Variants in PPP2R1A observed in about 807,000 individuals in gnomAD.
PPP2R1A encodes protein phosphatase 2 scaffold subunit Aalpha, also known as serine/threonine-protein phosphatase 2A 65 kDa regulatory subunit A alpha isoform.
Under a neutral mutation model 67.1 loss-of-function variants are expected in PPP2R1A, and 15 were observed. The ratio of observed to expected loss-of-function variants is 0.22; its 90% CI spans 0.15 to 0.34. The LOEUF (loss-of-function observed/expected upper bound fraction) is 0.34, where lower values mean the gene tolerates loss of function less well. Among genes scored for constraint, PPP2R1A ranks in the 10% least tolerant of loss-of-function variants. The pLI, the probability that PPP2R1A is intolerant of heterozygous loss-of-function variation, is 1.00. For missense variants in PPP2R1A, 369 were observed against 775.0 expected (o/e 0.48, Z 6.22); for synonymous variants, 337 against 325.0 (o/e 1.04, Z -0.40).
Position 52,213,208 on chromosome 19 carries a change from A to C in PPP2R1A, c.807+98A>C. On this transcript the variant is annotated intron_variant, in intron 6 of 14. Coordinates refer to ENST00000322088, the MANE Select transcript of PPP2R1A (RefSeq NM_014225.6). This position sits in a 1 kb window ranked among gnomAD's most constrained non-coding sequence, Gnocchi z 4.2. ...CTGAGGTTTCCATTAGGCCGATGGA[A>C]CCATTGGGCGTTTGAGCAATAAGAT... 7.2e-7 allele frequency: 1 copy of C among 1,388,182 alleles called. No individual in the cohort carries two copies. Among genetic ancestry groups the C allele is most frequent in the East Asian group, 2.6e-5 (1 of 39,074 alleles). The allele number at this position is 1,388,182 out of a possible 1,614,324, so 86.0% of individuals were successfully genotyped here.
intron 1 of PPP2R1A, among the ~76,000 whole-genome samples, chr19:52,190,456 G>A (rs540602788): frequency 6.6e-6 from 1 of 152,324 alleles, no homozygotes; most frequent in South Asian, 2.1e-4. Context: ...CCAGGGCTGG[G>A]GTCTGCGGAC....
chr19:52,213,942 G>A lies in PPP2R1A; in HGVS notation c.807+832G>A, dbSNP rs191863488. Among the ~76,000 whole-genome samples, 302 of 152,236 alleles carry A rather than the reference G, an allele frequency of 2.0e-3. No individual in the cohort carries two copies. The highest frequency in any genetic ancestry group is 6.9e-3 in the African/African-American group (285 of 41,530). ...TTGCTGAGCACCAGCTATTTGCTGG[G>A]CCAGTGAATTCGGATCATTCCTGGC... On this transcript the variant is annotated intron_variant, in intron 6 of 14. Transcript: ENST00000322088. The surrounding 1 kb of genome is among the most constrained non-coding windows in gnomAD (Gnocchi z 4.2).
chr19:52,213,183 C>T lies in PPP2R1A; in HGVS notation c.807+73C>T. The T allele has an allele frequency of 6.8e-7, 1 of 1,468,518 alleles. No homozygotes were observed. The highest frequency in any genetic ancestry group is 9.0e-7 in the Non-Finnish European group (1 of 1,115,732). The allele number at this position is 1,468,518 out of a possible 1,614,324, so 91.0% of individuals were successfully genotyped here. On this transcript the variant is annotated intron_variant, in intron 6 of 14. Coordinates refer to ENST00000322088, the MANE Select transcript of PPP2R1A (RefSeq NM_014225.6). The surrounding 1 kb of genome is among the most constrained non-coding windows in gnomAD (Gnocchi z 4.2). ...CTCTCAGAAGGGAAGCATATAGGAGCTGAGGTTTCCATTAGGCCGATGGAA... is the reference window on the plus strand; with the variant it reads ...CTCTCAGAAGGGAAGCATATAGGAGTTGAGGTTTCCATTAGGCCGATGGAA...
In PPP2R1A at chr19:52,213,405, A is replaced by AGCT. The variant is rs2089693085; in HGVS notation, c.807+297_807+299dup. Reference sequence around the variant, plus strand: ...ATGTGGGGTGTTCCTGACATAATCAAGCTGTCCTTTCACAAAGGGGAAGAC... The same window carrying AGCT: ...ATGTGGGGTGTTCCTGACATAATCAAGCTGCTGTCCTTTCACAAAGGGGAAGAC... On this transcript the variant is annotated intron_variant, in intron 6 of 14. Transcript: ENST00000322088. The surrounding 1 kb of genome is among the most constrained non-coding windows in gnomAD (Gnocchi z 4.2). 6.7e-6 allele frequency among the ~76,000 whole-genome samples: 1 copy of AGCT among 149,990 alleles called. No homozygotes were observed. Among genetic ancestry groups the AGCT allele is most frequent in the South Asian group, 2.1e-4 (1 of 4,724 alleles).
chr19:52,202,062 A>G (rs2122300758), intron 2 of PPP2R1A, 28 bp downstream of exon 2: 1 of 1,584,826 alleles, frequency 6.3e-7, no homozygotes, highest in East Asian at 2.2e-5. Context: ...TGGGGCCCAG[A>G]TGTGGGGACT....
At chr19:52,192,176 G>A (rs2089459958) in intron 1 of PPP2R1A, among the ~76,000 whole-genome samples, 1 of 152,096 alleles carries the variant, frequency 6.6e-6, no homozygotes, top group African/African-American at 2.4e-5. Flanking sequence ...AAAGTGGGGT[G>A]GGGCAGATCC....
rs1979399084 is a variant in PPP2R1A, at chr19:52,228,693, A to G, written c.*2712A>G. 1.3e-5 allele frequency: 2 copies of G among 152,272 alleles called. No homozygotes were observed. The highest frequency in any genetic ancestry group is 6.5e-5 in the Admixed American group (1 of 15,272). The allele number at this position is 152,272 out of a possible 1,614,324, so 9.4% of individuals were successfully genotyped here. ...CCGCTCTCTAGGCCTAAATCCCAGC[A>G]GTCACACTGGCCATCTCTAATGGTT... is the stretch of plus-strand genomic sequence containing the variant. On this transcript the variant is annotated 3_prime_UTR_variant, in exon 15 of 15. Transcript: ENST00000322088.
chr19:52,209,547 ATTATT>A (rs2089643322), intron 3 of PPP2R1A, among the ~76,000 whole-genome samples: 1 of 152,160 alleles, frequency 6.6e-6, no homozygotes, highest in African/African-American at 2.4e-5. Context: ...TGCTATTTTA[ATTATT>A]TTAAAGTGTG....
chr19:52,218,791 G>A (rs572099036), intron 9 of PPP2R1A, among the ~76,000 whole-genome samples: 1 of 152,242 alleles, frequency 6.6e-6, no homozygotes, highest in African/African-American at 2.4e-5. Flanking sequence ...CATACGTGCT[G>A]CAAGTGCGCT....
rs150564227 is a variant in PPP2R1A at position 52,204,755 on chromosome 19, C to T, written c.170-1208C>T. 4.6e-5 allele frequency among the ~76,000 whole-genome samples: 7 copies of T among 152,220 alleles called. No homozygotes were observed. In the East Asian group the frequency reaches 5.8e-4, roughly 13 times the overall value. On this transcript the variant is annotated intron_variant, in intron 2 of 14. Coordinates refer to ENST00000322088, the MANE Select transcript of PPP2R1A (RefSeq NM_014225.6). ...AACAGTGTAGCTGGAGTCACATTGG[C>T]GAGAATTTATTTATTGAAGGAAGAG...
At chr19:52,223,109 G>A (rs992719145) in intron 13 of PPP2R1A, among the ~76,000 whole-genome samples, 1 of 152,218 alleles carries the variant, frequency 6.6e-6, no homozygotes, top group African/African-American at 2.4e-5. Flanking sequence ...ATGGAATCAA[G>A]GGTACAGAAA....
At chr19:52,220,625 T>C (rs1329280473) in intron 11 of PPP2R1A, among the ~76,000 whole-genome samples, 2 of 152,166 alleles carry the variant, frequency 1.3e-5, no homozygotes, top group Non-Finnish European at 2.9e-5. Context: ...AATGGCTCAT[T>C]GTTTACACTA....
chr19:52,220,803 A>T (rs1384638277), intron 11 of PPP2R1A, among the ~76,000 whole-genome samples, 176 bp from the exon 12 acceptor site: 5 of 151,314 alleles, frequency 3.3e-5, no homozygotes, highest in African/African-American at 1.2e-4. Context: ...GATACTGTAT[A>T]AAAAAAAACA....
chr19:52,204,766 T>G (rs1290772182), intron 2 of PPP2R1A, among the ~76,000 whole-genome samples: 4 of 152,124 alleles, frequency 2.6e-5, no homozygotes, highest in Non-Finnish European at 5.9e-5. Flanking sequence ...GAGAATTTAT[T>G]TATTGAAGGA....
In PPP2R1A at chr19:52,211,193, G is replaced by T; in HGVS notation, c.271-67G>T. 6.7e-7 allele frequency: 1 copy of T among 1,484,944 alleles called. No individual in the cohort carries two copies. The allele number at this position is 1,484,944 out of a possible 1,614,324, so 92.0% of individuals were successfully genotyped here. On this transcript the variant is annotated intron_variant, in intron 3 of 14. Transcript: ENST00000322088. The surrounding 1 kb of genome is among the most constrained non-coding windows in gnomAD (Gnocchi z 5.3). ...GGAGATGAGCCCATGATGGGGTGCA[G>T]GATGGGGCTCCAGGGCTGCGGATGG... is the stretch of plus-strand genomic sequence containing the variant.
chr19:52,223,429 G>A (rs1979064063), intron 13 of PPP2R1A, among the ~76,000 whole-genome samples: 3 of 152,182 alleles, frequency 2.0e-5, no homozygotes, highest in African/African-American at 7.2e-5. Context: ...TCAAAAGACA[G>A]CATTTTGAGA....
At chr19:52,221,276 T>C in intron 12 of PPP2R1A, 143 bp downstream of exon 12, 1 of 1,262,210 alleles carries the variant, frequency 7.9e-7, no homozygotes, top group African/African-American at 1.5e-5. Flanking sequence ...GATGAGTCCT[T>C]GGGGAACTGC....
Position 52,227,268 on chromosome 19 carries a change from G to C in PPP2R1A, c.*1287G>C, listed in dbSNP as rs1979320760. ...CACCTTTCCTCCTTCCTGCACTCTG[G>C]AATGTGGACCAGATGGCTGGAGTAG... is the stretch of plus-strand genomic sequence containing the variant. On this transcript the variant is annotated 3_prime_UTR_variant, in exon 15 of 15. Coordinates refer to ENST00000322088, the MANE Select transcript of PPP2R1A (RefSeq NM_014225.6). 1.3e-5 allele frequency: 2 copies of C among 152,160 alleles called. No individual in the cohort carries two copies. Among genetic ancestry groups the C allele is most frequent in the African/African-American group, 4.8e-5 (2 of 41,420 alleles). The allele number at this position is 152,160 out of a possible 1,614,324, so 9.4% of individuals were successfully genotyped here.
intron 9 of PPP2R1A, among the ~76,000 whole-genome samples, chr19:52,217,821 C>T (rs1200228330): frequency 6.6e-6 from 1 of 152,010 alleles, no homozygotes; most frequent in Non-Finnish European, 1.5e-5. Context: ...AGAGGCGGTG[C>T]TGGGTGATGA....
Sources: allele counts gnomAD v4.1 joint callset (sites outside exome capture counted in the v4.1 genomes callset), GRCh38; gene constraint gnomAD v4.1.1; non-coding constraint Gnocchi (gnomAD v3.1); transcripts MANE v1.5; gene names NCBI Gene and HGNC (gene_info 2026-07-23, HGNC 2026-07-21).